The following PPP2R3C variants were observed in gnomAD, a reference collection of about 807,000 sequenced individuals.
PPP2R3C encodes the protein serine/threonine-protein phosphatase 2A regulatory subunit B'' subunit gamma.
In PPP2R3C, 47 loss-of-function variants were observed where a neutral mutation model predicts 63.7. That is an observed-to-expected ratio of 0.74 (90% CI 0.58 to 0.94). The LOEUF is 0.94. Ranked by LOEUF, PPP2R3C falls within the 40% of genes least tolerant of loss-of-function variation. The probability of loss-of-function intolerance (pLI) is 0.00; values close to 1 mark genes in which losing one functional copy is unlikely to be tolerated. For synonymous variants in PPP2R3C, 180 were observed against 177.4 expected (o/e 1.01, Z -0.12); for missense variants, 421 against 518.4 (o/e 0.81, Z 1.82).
intron 12 of PPP2R3C, 167 bp from the exon 13 acceptor site, chr14:35,085,945 T>A (rs2045579696): frequency 1.7e-6 from 1 of 582,402 alleles, no homozygotes; most frequent in Non-Finnish European, 2.9e-6. Flanking sequence ...TTCTTTTCCA[T>A]TTAACAGGCA....
upstream of PPP2R3C, chr14:35,122,027 C>T (rs1388884525): frequency 1.3e-6 from 2 of 1,562,246 alleles, no homozygotes; most frequent in Non-Finnish European, 1.8e-6. Flanking sequence ...CCAGCTCAGG[C>T]GTCAGCACCG....
chr14:35,120,537 G>A (rs1368370683), intron 1 of PPP2R3C, among the ~76,000 whole-genome samples: 1 of 152,126 alleles, frequency 6.6e-6, no homozygotes, highest in African/African-American at 2.4e-5. Flanking sequence ...GAGCGACCGC[G>A]CCCGGCCGAC....
At chr14:35,090,049 TTGAG>T (rs904005671) in intron 11 of PPP2R3C, among the ~76,000 whole-genome samples, 1 of 152,096 alleles carries the variant, frequency 6.6e-6, no homozygotes, top group Non-Finnish European at 1.5e-5. Flanking sequence ...CTTAAAAAAA[TTGAG>T]TGAAAGCTGA....
At chr14:35,099,609 G>C (rs981644687) in intron 6 of PPP2R3C, 3 of 438,746 alleles carry the variant, frequency 6.8e-6, no homozygotes, top group Non-Finnish European at 1.1e-5. Flanking sequence ...AGGGAACAAA[G>C]ATATTGATTA....
intron 10 of PPP2R3C, among the ~76,000 whole-genome samples, chr14:35,094,657 T>A (rs1205309086): frequency 6.6e-6 from 1 of 150,946 alleles, no homozygotes; most frequent in African/African-American, 2.5e-5. Flanking sequence ...AAGACACTGT[T>A]ACACAGTGAT....
intron 7 of PPP2R3C, among the ~76,000 whole-genome samples, chr14:35,097,459 G>GTTTGT (rs1364024775): frequency 6.6e-6 from 1 of 150,900 alleles, no homozygotes; most frequent in Non-Finnish European, 1.5e-5. Flanking sequence ...TAAGAGCAGA[G>GTTTGT]TTTGTTTTGT....
intron 9 of PPP2R3C, among the ~76,000 whole-genome samples, chr14:35,095,580 C>CGGTA (rs1431171176): frequency 6.6e-6 from 1 of 151,330 alleles, no homozygotes; most frequent in Non-Finnish European, 1.5e-5. Context: ...TGGCTCACGC[C>CGGTA]GGTAATCCCA....
intron 11 of PPP2R3C, among the ~76,000 whole-genome samples, chr14:35,089,361 C>T (rs1205914384): frequency 6.6e-6 from 1 of 152,092 alleles, no homozygotes; most frequent in African/African-American, 2.4e-5. Flanking sequence ...TCCCTGGCCT[C>T]CCAACGTGCT....
intron 1 of PPP2R3C, among the ~76,000 whole-genome samples, chr14:35,121,119 C>T (rs1302711711): frequency 2.6e-5 from 4 of 152,174 alleles, no homozygotes; most frequent in African/African-American, 9.7e-5. Context: ...TGACTCACGT[C>T]TGTAATTCCA....
At chr14:35,105,865 T>C (rs1255909848) in intron 6 of PPP2R3C, among the ~76,000 whole-genome samples, 1 of 151,874 alleles carries the variant, frequency 6.6e-6, no homozygotes, top group Non-Finnish European at 1.5e-5. Flanking sequence ...TTTTTTGAGA[T>C]GGAGTCTCGC....
At chr14:35,111,718 T>C (rs1469825747) in intron 2 of PPP2R3C, among the ~76,000 whole-genome samples, 2 of 152,152 alleles carry the variant, frequency 1.3e-5, no homozygotes, top group East Asian at 1.9e-4. Flanking sequence ...GACTACCCAA[T>C]GGCCCCTCTC....
chr14:35,099,005 T>C (rs1344564182), intron 7 of PPP2R3C: 1 of 344,332 alleles, frequency 2.9e-6, no homozygotes, highest in Non-Finnish European at 5.0e-6. Context: ...CACTGTTAGG[T>C]GATGTCCCCC....
At chr14:35,094,818 G>A (rs2045942985) in intron 10 of PPP2R3C, among the ~76,000 whole-genome samples, 1 of 152,104 alleles carries the variant, frequency 6.6e-6, no homozygotes, top group South Asian at 2.1e-4. Context: ...GCTGGATGCA[G>A]TGGCATGCAC....
At position 35,095,204 on chromosome 14, in the gene PPP2R3C, A is replaced by C; in HGVS notation, c.839-20T>G. On this transcript the variant is annotated intron_variant, in intron 9 of 12. Transcript: ENST00000261475. The stretch of plus-strand genomic sequence containing the variant: ...ACTGGCCTTGGGAAGAAAAATAATA[A>C]AGACACTTATGACCACAATAAAATT... The C allele has an allele frequency of 1.2e-6, 2 of 1,606,250 alleles. No individual in the cohort carries two copies. The highest frequency in any genetic ancestry group is 1.7e-6 in the Non-Finnish European group (2 of 1,176,472).
chr14:35,091,332 A>C (rs984344059), intron 10 of PPP2R3C, 125 bp from the exon 11 acceptor site: 1 of 926,228 alleles, frequency 1.1e-6, no homozygotes, highest in Non-Finnish European at 1.5e-6. Flanking sequence ...CTAAGTTATG[A>C]TATGAGAAAT....
chr14:35,107,942 A>T, intron 5 of PPP2R3C, 197 bp downstream of exon 5: 1 of 546,776 alleles, frequency 1.8e-6, no homozygotes, highest in Non-Finnish European at 3.0e-6. Context: ...TATTATCTTT[A>T]AGACACATGA....
chr14:35,097,465 T>C (rs1430943902), intron 7 of PPP2R3C, among the ~76,000 whole-genome samples: 3 of 151,714 alleles, frequency 2.0e-5, no homozygotes, highest in Admixed American at 2.0e-4. Context: ...CAGAGTTTGT[T>C]TTGTCTTGTT....
At chr14:35,105,373 G>A (rs931166649) in intron 6 of PPP2R3C, among the ~76,000 whole-genome samples, 2 of 151,824 alleles carry the variant, frequency 1.3e-5, no homozygotes, top group African/African-American at 4.8e-5. Context: ...AGTAGAGACG[G>A]GGTTTCTCCA....
chr14:35,105,645 T>A (rs2046327049), intron 6 of PPP2R3C, among the ~76,000 whole-genome samples: 1 of 151,930 alleles, frequency 6.6e-6, no homozygotes, highest in Admixed American at 6.6e-5. Context: ...CAACAAAAAC[T>A]ATATGGAATC....
Sources: gnomAD v4.1 joint callset for allele counts (sites outside exome capture counted in the v4.1 genomes callset) on GRCh38, gnomAD v4.1.1 for gene constraint, MANE v1.5 for transcripts, NCBI Gene and HGNC (gene_info 2026-07-23, HGNC 2026-07-21) for gene names.